BTC: variants seen among roughly 807,000 people sequenced by gnomAD.
BTC encodes the protein probetacellulin.
Under a neutral mutation model 18.1 loss-of-function variants are expected in BTC, and 13 were observed. The observed-to-expected ratio is 0.72, with a 90% CI of 0.47 to 1.14. The LOEUF is 1.14. BTC is among the 50% of genes most tolerant of loss of function. The pLI is 0.00. For missense variants in BTC, 247 were observed against 224.2 expected, an observed-to-expected ratio of 1.10 and a Z score of -0.65; for synonymous variants, 83 against 79.4, an observed-to-expected ratio of 1.05 and a Z score of -0.24.
chr4:74,770,272 A>G, intron 1 of BTC, 116 bp from the exon 2 acceptor site: 1 of 790,528 alleles, frequency 1.3e-6, no homozygotes. Context: ...TATGGTTTCC[A>G]TTTCCAAGTC....
intron 1 of BTC, among the ~76,000 whole-genome samples, chr4:74,790,834 G>A (rs907561884): frequency 7.9e-5 from 12 of 152,172 alleles, no homozygotes; most frequent in Non-Finnish European, 1.3e-4. Context: ...TGGAAGCAAG[G>A]AAGAGCCAGG....
intron 1 of BTC, among the ~76,000 whole-genome samples, chr4:74,780,567 G>T (rs1476210957): frequency 6.6e-6 from 1 of 152,002 alleles, no homozygotes. Flanking sequence ...ACTATCTCCC[G>T]ATGTAACAAT....
chr4:74,772,508 A>G (rs1725069277), intron 1 of BTC, among the ~76,000 whole-genome samples: 1 of 152,186 alleles, frequency 6.6e-6, no homozygotes, highest in Non-Finnish European at 1.5e-5. Context: ...AACGAACAAG[A>G]AAAAAACTCT....
chr4:74,772,671 C>A (rs566699050), intron 1 of BTC, among the ~76,000 whole-genome samples: 36 of 150,714 alleles, frequency 2.4e-4, no homozygotes, highest in African/African-American at 7.3e-4. Context: ...AAAAAAAACT[C>A]TAAATCTCAT....
intron 1 of BTC, among the ~76,000 whole-genome samples, chr4:74,780,617 GTGCT>G (rs1725291968): frequency 6.6e-6 from 1 of 152,124 alleles, no homozygotes; most frequent in Non-Finnish European, 1.5e-5. Flanking sequence ...TATTGTAGTT[GTGCT>G]TTATTTTTAC....
intron 2 of BTC, among the ~76,000 whole-genome samples, chr4:74,764,817 T>C (rs6848247): frequency 6.6e-6 from 1 of 151,828 alleles, no homozygotes; most frequent in Non-Finnish European, 1.5e-5. Flanking sequence ...TGCTAATAAA[T>C]ATATACCCAG....
At chr4:74,767,545 T>TA (rs1724932862) in intron 2 of BTC, among the ~76,000 whole-genome samples, 2 of 147,606 alleles carry the variant, frequency 1.4e-5, no homozygotes. Flanking sequence ...TTCCAATGAC[T>TA]TTTTTTTTTA....
chr4:74,794,166 C>T, intron 1 of BTC, 96 bp downstream of exon 1: 2 of 1,489,850 alleles, frequency 1.3e-6, no homozygotes, highest in East Asian at 2.5e-5. Flanking sequence ...AGCGCGCCCT[C>T]TTGTCCAGAT....
chr4:74,749,394 GGTTGCAGTGAGCCAAGATCACGCC>G (rs1419066266), intron 4 of BTC, among the ~76,000 whole-genome samples: 13 of 151,954 alleles, frequency 8.6e-5, no homozygotes, highest in Middle Eastern at 3.4e-3. Context: ...AGGAGGCAGA[GGTTGCAGTGAGCCAAGATCACGCC>G]GTTGCAGTGA....
intron 1 of BTC, among the ~76,000 whole-genome samples, chr4:74,784,863 G>A (rs183565180): frequency 1.3e-5 from 2 of 152,304 alleles, no homozygotes; most frequent in African/African-American, 2.4e-5. Flanking sequence ...CGTTCATCAA[G>A]GATATTGGCC....
At chr4:74,794,233 G>C in intron 1 of BTC, 29 bp downstream of exon 1, 2 of 1,549,848 alleles carry the variant, frequency 1.3e-6, no homozygotes, top group Non-Finnish European at 1.7e-6. Context: ...CTTTCCTCCT[G>C]GTTTCCAGTG....
chr4:74,772,767 C>T (rs530924519), intron 1 of BTC, among the ~76,000 whole-genome samples: 1 of 152,096 alleles, frequency 6.6e-6, no homozygotes, highest in Admixed American at 6.6e-5. Context: ...AAAAAGAGCA[C>T]GTGGCTTGGC....
chr4:74,788,038 A>C (rs1021422264), intron 1 of BTC, among the ~76,000 whole-genome samples: 8 of 152,246 alleles, frequency 5.3e-5, no homozygotes, highest in Non-Finnish European at 1.5e-5. Flanking sequence ...CAAATTCCCC[A>C]GATAGGAAAC....
rs1308142180 is a variant in BTC at position 74,785,669 on chromosome 4, G to T, written c.64+8593C>A. 2.0e-5 allele frequency among the ~76,000 whole-genome samples: 3 copies of T among 152,172 alleles called. No homozygotes were observed. The East Asian group carries it at 5.8e-4, about 29-fold the overall frequency. ...GGAACAATTTTATATTTACAGAAAAGTTGCAAAGTGCAGGGAATTCTCACA... is the reference window on the plus strand; with the variant it reads ...GGAACAATTTTATATTTACAGAAAATTTGCAAAGTGCAGGGAATTCTCACA... On this transcript the variant is annotated intron_variant, in intron 1 of 5. Coordinates refer to ENST00000395743, the MANE Select transcript of BTC (RefSeq NM_001729.4).
chr4:74,757,893 T>G (rs6532366), intron 2 of BTC, among the ~76,000 whole-genome samples: 137,159 of 152,198 alleles, frequency 0.9, 61,864 homozygotes, highest in East Asian at 1. Flanking sequence ...ACATTGAAGG[T>G]CTGTTGAGAG....
intron 2 of BTC, among the ~76,000 whole-genome samples, chr4:74,759,400 G>A (rs1553957064): frequency 1.3e-5 from 2 of 151,880 alleles, no homozygotes; most frequent in African/African-American, 2.4e-5. Context: ...AACTCAAATT[G>A]CCAAAAACAA....
At chr4:74,754,137 A>G (rs143312412) in intron 3 of BTC, among the ~76,000 whole-genome samples, 25 of 152,326 alleles carry the variant, frequency 1.6e-4, no homozygotes, top group African/African-American at 6.0e-4. Flanking sequence ...CCTGTCTGCT[A>G]TGATATTCTG....
At chr4:74,772,869 T>C (rs1725080002) in intron 1 of BTC, among the ~76,000 whole-genome samples, 2 of 151,984 alleles carry the variant, frequency 1.3e-5, no homozygotes, top group African/African-American at 4.8e-5. Context: ...ACAGAGGGAG[T>C]TCTAATTCCT....
chr4:74,776,380 C>T (rs1262757509), intron 1 of BTC, among the ~76,000 whole-genome samples: 2 of 152,082 alleles, frequency 1.3e-5, no homozygotes, highest in Non-Finnish European at 2.9e-5. Flanking sequence ...ATGTTAACTG[C>T]ATTTGCTAAG....
Sources: gnomAD v4.1 joint callset for allele counts (sites outside exome capture counted in the v4.1 genomes callset) on GRCh38, gnomAD v4.1.1 for gene constraint, MANE v1.5 for transcripts, NCBI Gene and HGNC (gene_info 2026-07-23, HGNC 2026-07-21) for gene names.